PLK2: variants seen among roughly 807,000 people sequenced by gnomAD.
The protein encoded by PLK2 is polo like kinase 2.
In PLK2, 25 loss-of-function variants were observed where a neutral mutation model predicts 78.1. The observed-to-expected ratio is 0.32, with a 90% CI of 0.23 to 0.45. The LOEUF is 0.45. Ranked by LOEUF, PLK2 falls within the 20% of genes least tolerant of loss-of-function variation. The pLI is 1.00. For missense variants in PLK2, 566 were observed against 840.2 expected, an observed-to-expected ratio of 0.67 and a Z score of 4.04; for synonymous variants, 332 against 298.2, an observed-to-expected ratio of 1.11 and a Z score of -1.17.
Position 58,457,000 on chromosome 5 carries a change from T to C in PLK2, c.1101A>G (p.Ala367=). The C allele has an allele frequency of 6.2e-7, 1 of 1,613,116 alleles. No homozygotes were observed. The highest frequency in any genetic ancestry group is 8.5e-7 in the Non-Finnish European group (1 of 1,179,200). The change falls in exon 8 of 14, where the codon GCA becomes GCG. Residue 367 remains alanine, a synonymous_variant. Transcript: ENST00000274289. ...SSPAKNFFKK[A]AAALFGGKKD... ...TTTTGCCACCAAAAAGAGCAGCAGCTGCTTTCTTAAAGAAATTCTTAGCTG... is the reference window on the plus strand; with the variant it reads ...TTTTGCCACCAAAAAGAGCAGCAGCCGCTTTCTTAAAGAAATTCTTAGCTG...
intron 4 of PLK2, 31 bp downstream of exon 4, chr5:58,458,368 C>A (rs767108210): frequency 1.2e-6 from 2 of 1,609,940 alleles, no homozygotes; most frequent in East Asian, 2.2e-5. Context: ...AACTCTAACA[C>A]AAAACTCAGC....
intron 12 of PLK2, 24 bp from the exon 13 acceptor site, chr5:58,455,045 T>C (rs1349890424): frequency 2.2e-6 from 3 of 1,365,154 alleles, no homozygotes; most frequent in Admixed American, 3.4e-5. Flanking sequence ...GGAGAGTGAG[T>C]TAGTGCCTAC....
chr5:58,454,316 G>T lies in PLK2; in HGVS notation c.*267C>A. On this transcript the variant is annotated 3_prime_UTR_variant, in exon 14 of 14. Transcript: ENST00000274289. ...CAACAGAGAGAATTTAAGAATCAAT[G>T]CACCTTTCTGCAAAATTGTCTGAAA... 3.0e-6 allele frequency: 1 copy of T among 334,120 alleles called. No homozygotes were observed. Among genetic ancestry groups the T allele is most frequent in the East Asian group, 4.6e-5 (1 of 21,570 alleles). The allele number at this position is 334,120 out of a possible 1,614,324, so 20.7% of individuals were successfully genotyped here. A position where few individuals can be genotyped will look rare whatever the true frequency, so the allele number is the denominator to read the frequency against.
rs748118982 is a variant in PLK2, at chr5:58,459,797, C to G, written c.163G>C (p.Ala55Pro). The stretch of plus-strand genomic sequence containing the variant: ...GAATGGTGGTGATGGTGGTGAGGGG[C>G]CGCCGGGGGCACTTGCGCCTGGGAC... Reference protein sequence around the residue: ...PQSQAQVPPAAPHHHHHHSHS... With the variant: ...PQSQAQVPPAPPHHHHHHSHS... The change falls in exon 1 of 14, where the codon GCC becomes CCC. Residue 55 changes from alanine (A) to proline (P), a missense_variant. Physicochemically the swap from Ala to Pro is conservative, Grantham distance 27 (BLOSUM62 -1). Coordinates refer to ENST00000274289, the MANE Select transcript of PLK2 (RefSeq NM_006622.4). 1 of 1,608,404 alleles carries G rather than the reference C, an allele frequency of 6.2e-7. No homozygotes were observed. Among genetic ancestry groups the G allele is most frequent in the Non-Finnish European group, 8.5e-7 (1 of 1,179,808 alleles).
chr5:58,460,085 G>A lies in PLK2; in HGVS notation c.-126C>T. On this transcript the variant is annotated 5_prime_UTR_variant, in exon 1 of 14. Transcript: ENST00000274289. ...GCACCCAACACCCCGGTCCACTTGT[G>A]CGAGTGAGAGCGCTCGGCGAAGTCT... is the stretch of plus-strand genomic sequence containing the variant. The A allele has an allele frequency of 2.4e-5, 27 of 1,117,626 alleles. No homozygotes were observed. The highest frequency in any genetic ancestry group is 3.4e-5 in the Non-Finnish European group (27 of 802,178). The allele number at this position is 1,117,626 out of a possible 1,614,324, so 69.2% of individuals were successfully genotyped here.
chr5:58,454,728 T>A lies in PLK2; in HGVS notation c.1913A>T (p.Asn638Ile). Residue 638 changes from asparagine to isoleucine, a missense_variant, in exon 14 of 14, where the codon AAT becomes ATT. Around this residue, in one of 5 missense-constraint regions of PLK2, gnomAD observed 130 missense variants for 196.4 expected, o/e 0.66. Coordinates refer to ENST00000274289, the MANE Select transcript of PLK2 (RefSeq NM_006622.4). ...DHTKIIICSQ[N>I]EEYLLTYINE... ...GATGTAGGTGAGAAGGTATTCTTCA[T>A]TTTGGCTACAGATGATGATTTTTGT... The A allele has an allele frequency of 6.2e-7, 1 of 1,613,250 alleles. No individual in the cohort carries two copies. The highest frequency in any genetic ancestry group is 1.3e-5 in the African/African-American group (1 of 75,062).
Position 58,454,500 on chromosome 5 carries a change from C to T in PLK2, c.*83G>A. The T allele has an allele frequency of 1.0e-6, 1 of 969,228 alleles. No individual in the cohort carries two copies. Among genetic ancestry groups the T allele is most frequent in the Non-Finnish European group, 1.6e-6 (1 of 633,382 alleles). The allele number at this position is 969,228 out of a possible 1,614,324, so 60.0% of individuals were successfully genotyped here. A position where few individuals can be genotyped will look rare whatever the true frequency, so the allele number is the denominator to read the frequency against. On this transcript the variant is annotated 3_prime_UTR_variant, in exon 14 of 14. Coordinates refer to ENST00000274289, the MANE Select transcript of PLK2 (RefSeq NM_006622.4). ...ACCACCACATGTCCATCTTCTTCAA[C>T]ATACTCTAGATCATTCTTTTGGCTT...
chr5:58,458,906 C>T (rs1407844811), intron 2 of PLK2, 65 bp from the exon 3 acceptor site: 2 of 1,300,374 alleles, frequency 1.5e-6, no homozygotes, highest in African/African-American at 1.5e-5. Flanking sequence ...AGTGATTACA[C>T]ATGCAGAAGA....
At chr5:58,458,004 C>T in intron 5 of PLK2, 80 bp downstream of exon 5, 4 of 866,782 alleles carry the variant, frequency 4.6e-6, no homozygotes, top group Non-Finnish European at 7.8e-6. Context: ...TACCGGACCT[C>T]TGAAACATTA....
At position 58,455,176 on chromosome 5, in the gene PLK2, C is replaced by T. The variant is rs1474974461; in HGVS notation, c.1755+109G>A. On this transcript the variant is annotated intron_variant, in intron 12 of 13. Coordinates refer to ENST00000274289, the MANE Select transcript of PLK2 (RefSeq NM_006622.4). ...TCCCGGAGATTCTGATTCAGTACAC[C>T]AACGGTAGGTCAGGAGAATCTGTTT... 5 of 1,337,912 alleles carry T rather than the reference C, an allele frequency of 3.7e-6. No homozygotes were observed. In the African/African-American group the frequency reaches 7.3e-5, roughly 19 times the overall value. 82.9% of individuals were successfully genotyped at this position (1,337,912 alleles called of 1,614,324 possible). A position where few individuals can be genotyped will look rare whatever the true frequency, so the allele number is the denominator to read the frequency against.
chr5:58,459,676 C>T lies in PLK2; in HGVS notation c.270+14G>A. The T allele has an allele frequency of 6.5e-7, 1 of 1,545,440 alleles. No individual in the cohort carries two copies. The highest frequency in any genetic ancestry group is 8.7e-7 in the Non-Finnish European group (1 of 1,144,542). On this transcript the variant is annotated intron_variant, in intron 1 of 13. Transcript: ENST00000274289. ...TCCCGCCCGCCCGGCAGCCCGGCGC[C>T]CTCCGCTTGTCACCTTTCCCAGCAC...
chr5:58,457,322 A>G lies in PLK2; in HGVS notation c.867T>C (p.Tyr289=), dbSNP rs17767072. Residue 289 remains tyrosine (Y), a synonymous_variant, in exon 7 of 14, where the codon TAT becomes TAC. Transcript: ENST00000274289. ...PFETTNLKET[Y]RCIREARYTM... ...TATACCTTGCTTCCCTTATGCACCT[A>G]TAAGTTTCTTTGAGATTTGTAGTTT... The G allele has an allele frequency of 0.12, 197,695 of 1,612,460 alleles. 13,638 individuals are homozygous for G. The highest frequency in any genetic ancestry group is 0.22 in the Admixed American group (12,981 of 60,000).
Position 58,459,750 on chromosome 5 carries a change from C to A in PLK2, c.210G>T (p.Ser70=). The part of the protein sequence containing the change: ...HHHSHSGPEI[S]RIIVDPTTGK... ...CAGTCGTGGGGTCGACGATAATCCG[C>A]GAGATCTCCGGCCCCGAGTGCGAAT... Residue 70 remains serine (S), a synonymous_variant, in exon 1 of 14, where the codon TCG becomes TCT. Transcript: ENST00000274289. 6.2e-7 allele frequency: 1 copy of A among 1,606,888 alleles called. No individual in the cohort carries two copies. Among genetic ancestry groups the A allele is most frequent in the Non-Finnish European group, 8.5e-7 (1 of 1,179,126 alleles).
At chr5:58,459,461 C>T in intron 1 of PLK2, 1 of 572,642 alleles carries the variant, frequency 1.7e-6, no homozygotes, top group Non-Finnish European at 3.1e-6. Flanking sequence ...AGATGCATTT[C>T]TCTGGGCTGC....
chr5:58,456,271 G>T, intron 9 of PLK2, 116 bp from the exon 10 acceptor site: 1 of 999,316 alleles, frequency 1.0e-6, no homozygotes, highest in South Asian at 1.6e-5. Context: ...AAAAAGCAAT[G>T]GACACAAGCC....
At chr5:58,454,806 C>T in intron 13 of PLK2, 32 bp from the exon 14 acceptor site, 4 of 1,540,448 alleles carry the variant, frequency 2.6e-6, no homozygotes, top group Non-Finnish European at 2.7e-6. Context: ...TTAGATCTCT[C>T]AAAATATTCG....
In PLK2 at chr5:58,455,278, T is replaced by A; in HGVS notation, c.1755+7A>T. ...AAATGTCACCACTCTAAAGCCACAG[T>A]ACTTACATCCATGAGGTTCTCCTCC... On this transcript the variant is annotated splice_region_variant and intron_variant, in intron 12 of 13. Transcript: ENST00000274289. 3.7e-6 allele frequency: 6 copies of A among 1,613,958 alleles called. No homozygotes were observed. Among genetic ancestry groups the A allele is most frequent in the Non-Finnish European group, 5.1e-6 (6 of 1,179,882 alleles).
At chr5:58,455,118 A>C in intron 12 of PLK2, 97 bp from the exon 13 acceptor site, 1 of 1,132,246 alleles carries the variant, frequency 8.8e-7, no homozygotes, top group Non-Finnish European at 1.3e-6. Flanking sequence ...TTAAGCAAGC[A>C]TCAGAATGGC....
intron 13 of PLK2, 63 bp from the exon 14 acceptor site, chr5:58,454,837 A>C: frequency 6.7e-7 from 1 of 1,481,788 alleles, no homozygotes; most frequent in Non-Finnish European, 9.4e-7. Context: ...AAGTTCAGTC[A>C]ATCACTAAAC....
Sources: allele counts gnomAD v4.1 joint callset, GRCh38; gene constraint gnomAD v4.1.1; regional missense constraint gnomAD v4.1.1; transcripts MANE v1.5; gene names NCBI Gene and HGNC (gene_info 2026-07-23, HGNC 2026-07-21).